Variants in LRP1 observed in about 807,000 individuals in gnomAD.
LRP1 encodes the protein prolow-density lipoprotein receptor-related protein 1.
In LRP1, 51 loss-of-function variants were observed where a neutral mutation model predicts 541.5. That is an observed-to-expected ratio of 0.09 (90% CI 0.08 to 0.12). The LOEUF (loss-of-function observed/expected upper bound fraction) is 0.12, where lower values mean the gene tolerates loss of function less well. LRP1 is among the 10% of genes least tolerant of loss of function. The pLI, the probability that LRP1 is intolerant of heterozygous loss-of-function variation, is 1.00. For synonymous variants in LRP1, 2,219 were observed against 2,470.8 expected (o/e 0.90, Z 3.02); for missense variants, 3,878 against 6,376.2 (o/e 0.61, Z 13.34).
At chr12:57,159,550 C>G (rs2035686788) in intron 11 of LRP1, among the ~76,000 whole-genome samples, 1 of 152,364 alleles carries the variant, frequency 6.6e-6, no homozygotes, top group South Asian at 2.1e-4. Context: ...CAGATGCCCT[C>G]ACACGAGAGC....
chr12:57,143,019 C>T (rs972078428), intron 3 of LRP1, among the ~76,000 whole-genome samples: 6 of 152,152 alleles, frequency 3.9e-5, no homozygotes, highest in Non-Finnish European at 8.8e-5. Context: ...AACTGGGTCG[C>T]TGGTCTGGGG....
intron 42 of LRP1, among the ~76,000 whole-genome samples, chr12:57,188,850 C>T (rs1251731752): frequency 2.0e-5 from 3 of 152,200 alleles, no homozygotes; most frequent in African/African-American, 7.2e-5. Flanking sequence ...GCATGTTAGC[C>T]AGCGTCTGAG....
chr12:57,198,522 T>G lies in LRP1; in HGVS notation c.9528T>G (p.Asp3176Glu), dbSNP rs1194404020. Residue 3176 changes from aspartate (D) to glutamate (E), a missense_variant, in exon 60 of 89, where the codon GAT becomes GAG. Physicochemically the swap from Asp to Glu is conservative, Grantham distance 45 (BLOSUM62 2). Coordinates refer to ENST00000243077, the MANE Select transcript of LRP1 (RefSeq NM_002332.3). ...CACTGATCGGCCGCATCGGCATGGA[T>G]GGGTCCAGCCGCAGCGTCATCGTGG... ...DHSLIGRIGMDGSSRSVIVDT... is the reference protein window; with the variant it reads ...DHSLIGRIGMEGSSRSVIVDT... The G allele has an allele frequency of 1.9e-6, 3 of 1,614,030 alleles. No homozygotes were observed. In the Admixed American group the frequency reaches 5.0e-5, roughly 27 times the overall value.
chr12:57,200,834 A>AC lies in LRP1; in HGVS notation c.10225+22dup. ...AACTGTGGTAAGGCGCTGCCCGCCC[A>AC]CCCTCCCTCCTTCCCCAGCATCTTC... On this transcript the variant is annotated intron_variant, in intron 64 of 88. Transcript: ENST00000243077. The AC allele has an allele frequency of 1.6e-6, 1 of 629,446 alleles. No homozygotes were observed. The highest frequency in any genetic ancestry group is 2.2e-6 in the Non-Finnish European group (1 of 451,676). 39.0% of individuals were successfully genotyped at this position (629,446 alleles called of 1,614,324 possible). A position where few individuals can be genotyped will look rare whatever the true frequency, so the allele number is the denominator to read the frequency against.
At chr12:57,202,990 G>A (rs1333410797) in intron 68 of LRP1, 191 bp from the exon 69 acceptor site, 22 of 587,392 alleles carry the variant, frequency 3.7e-5, no homozygotes, top group South Asian at 1.1e-4. Flanking sequence ...GGGTAAGTGC[G>A]AGCCCGCCTG....
chr12:57,164,745 A>T (rs576022660), intron 15 of LRP1: 68 of 152,356 alleles, frequency 4.5e-4, no homozygotes, highest in South Asian at 1.2e-3. Flanking sequence ...GCCTGCCCAT[A>T]TTCTGGATGG....
intron 48 of LRP1, 124 bp from the exon 49 acceptor site, chr12:57,194,230 G>A: frequency 8.6e-7 from 1 of 1,168,316 alleles, no homozygotes; most frequent in Non-Finnish European, 1.2e-6. Context: ...TGCAGACAGT[G>A]CCCCACCAGA....
rs753814846 is a variant in LRP1, at chr12:57,201,759, C to A, written c.10469-21C>A. The A allele has an allele frequency of 6.2e-7, 1 of 1,613,516 alleles. No individual in the cohort carries two copies. Among genetic ancestry groups the A allele is most frequent in the Non-Finnish European group, 8.5e-7 (1 of 1,179,716 alleles). ...CTCCTGGAAGGAGTCTCATCCTCAC[C>A]CCATGCCCACCCGCTTGCAGCCCAG... On this transcript the variant is annotated intron_variant, in intron 66 of 88. Transcript: ENST00000243077. This position sits in a 1 kb window ranked among gnomAD's most constrained non-coding sequence, Gnocchi z 6.4.
At chr12:57,161,431 A>G (rs998677945) in intron 13 of LRP1, among the ~76,000 whole-genome samples, 5 of 152,156 alleles carry the variant, frequency 3.3e-5, no homozygotes, top group African/African-American at 7.2e-5. Context: ...ATGTGTGTGC[A>G]TAGATACACG....
chr12:57,193,558 AT>A lies in LRP1; in HGVS notation c.7685-5del. The A allele has an allele frequency of 1.9e-6, 3 of 1,613,054 alleles. No homozygotes were observed. Among genetic ancestry groups the A allele is most frequent in the Non-Finnish European group, 2.5e-6 (3 of 1,179,464 alleles). ...TGGCTGACACGCAGCCTACTCCTCC[AT>A]TTGCAGACTCCCGCCGCTGCAAGAA... On this transcript the variant is annotated splice_region_variant and splice_polypyrimidine_tract_variant and intron_variant, in intron 46 of 88. Transcript: ENST00000243077.
Position 57,158,692 on chromosome 12 carries a change from G to A in LRP1, c.1798+54G>A. The A allele has an allele frequency of 6.5e-7, 1 of 1,536,866 alleles. No homozygotes were observed. Among genetic ancestry groups the A allele is most frequent in the East Asian group, 2.3e-5 (1 of 44,426 alleles). On this transcript the variant is annotated intron_variant, in intron 11 of 88. Coordinates refer to ENST00000243077, the MANE Select transcript of LRP1 (RefSeq NM_002332.3). The surrounding 1 kb of genome is among the most constrained non-coding windows in gnomAD (Gnocchi z 5.3). ...GGGATGGAAGGGGGCTGGGGCCCAG[G>A]CATCTGTTTCTCGGTGCCCTCTCAG... is the stretch of plus-strand genomic sequence containing the variant.
chr12:57,209,627 CGTGG>C, intron 79 of LRP1, 61 bp from the exon 80 acceptor site: 5 of 1,405,336 alleles, frequency 3.6e-6, no homozygotes, highest in Non-Finnish European at 4.0e-6. Flanking sequence ...GTGCCAGTGT[CGTGG>C]ACAGCATGGC....
rs577142986 is a variant in LRP1 at position 57,199,372 on chromosome 12, T to C, written c.9837T>C (p.His3279=). The change falls in exon 61 of 89, where the codon CAT becomes CAC. Residue 3279 remains histidine (H), a synonymous_variant. Coordinates refer to ENST00000243077, the MANE Select transcript of LRP1 (RefSeq NM_002332.3). The part of the protein sequence containing the change: ...ISTLHRPMDL[H]VFHALRQPDV... ...CGCTGCACCGGCCCATGGACCTGCA[T>C]GTCTTCCATGCCCTGCGCCAGCCAG... is the stretch of plus-strand genomic sequence containing the variant. The C allele has an allele frequency of 8.8e-5, 142 of 1,612,068 alleles. 1 individual carries two copies. In the South Asian group the frequency reaches 1.3e-3, roughly 14 times the overall value.
At position 57,166,206 on chromosome 12, in the gene LRP1, T is replaced by G. The variant is rs1228178838; in HGVS notation, c.2794T>G (p.Ser932Ala). 1 of 1,607,720 alleles carries G rather than the reference T, an allele frequency of 6.2e-7. No homozygotes were observed. The highest frequency in any genetic ancestry group is 1.7e-5 in the Admixed American group (1 of 59,168). ...TGAAGATGAGTCCAATGCCACTTGTTCAGGTGTGGAGCGGGGCTCAGATCA... is the reference window on the plus strand; with the variant it reads ...TGAAGATGAGTCCAATGCCACTTGTGCAGGTGTGGAGCGGGGCTCAGATCA... The part of the protein sequence containing the change: ...NSEDESNATC[S>A]ARTCPPNQFS... The change falls in exon 17 of 89, where the codon TCA (serine) becomes GCA (alanine). Residue 932 changes from serine (S) to alanine (A), a missense_variant. This residue lies in a region of LRP1 where 29 missense variants were observed against 20.7 expected (regional missense o/e 1.40). Coordinates refer to ENST00000243077, the MANE Select transcript of LRP1 (RefSeq NM_002332.3).
At chr12:57,171,620 T>A (rs867497254) in intron 20 of LRP1, among the ~76,000 whole-genome samples, 18 of 151,782 alleles carry the variant, frequency 1.2e-4, no homozygotes, top group Admixed American at 2.0e-4. Context: ...ATGTAGGAGG[T>A]GATTTCGGAA....
At chr12:57,136,482 G>A (rs1048215304) in intron 1 of LRP1, among the ~76,000 whole-genome samples, 2 of 146,896 alleles carry the variant, frequency 1.4e-5, no homozygotes, top group Non-Finnish European at 3.0e-5. Flanking sequence ...AGGCGACTCT[G>A]GCTCCTGCAG....
At chr12:57,188,581 C>T (rs972901202) in intron 42 of LRP1, among the ~76,000 whole-genome samples, 10 of 152,306 alleles carry the variant, frequency 6.6e-5, no homozygotes, top group Admixed American at 4.6e-4. Context: ...GCCTGTCCCT[C>T]ATGAGTCTGG....
At chr12:57,131,840 C>G (rs1480777567) in intron 1 of LRP1, among the ~76,000 whole-genome samples, 7 of 152,130 alleles carry the variant, frequency 4.6e-5, no homozygotes, top group Admixed American at 3.3e-4. Context: ...CAGTTCCTGT[C>G]CAGATGCCCC....
At chr12:57,208,616 A>T in intron 77 of LRP1, 95 bp from the exon 78 acceptor site, 1 of 718,696 alleles carries the variant, frequency 1.4e-6, no homozygotes, top group East Asian at 2.6e-5. Context: ...AGTCCCCAGC[A>T]GTCCCTGTCC....
Sources: gnomAD v4.1 joint callset for allele counts (sites outside exome capture counted in the v4.1 genomes callset) on GRCh38, gnomAD v4.1.1 for gene constraint, gnomAD v4.1.1 regional missense constraint, Gnocchi (gnomAD v3.1) non-coding constraint, MANE v1.5 for transcripts, NCBI Gene and HGNC (gene_info 2026-07-23, HGNC 2026-07-21) for gene names.